AHCY: variants seen among roughly 807,000 people sequenced by gnomAD.
AHCY encodes adenosylhomocysteinase, also known as S-adenosyl-L-homocysteine hydrolase.
AHCY carries 24 observed loss-of-function variants against 45.4 expected under a neutral mutation model. That is an observed-to-expected ratio of 0.53 (90% CI 0.38 to 0.74). The LOEUF (loss-of-function observed/expected upper bound fraction) is 0.74. Among genes scored for constraint, AHCY ranks in the 30% least tolerant of loss-of-function variants. AHCY has a pLI of 0.00. For synonymous variants in AHCY, 245 were observed against 235.1 expected, an observed-to-expected ratio of 1.04 and a Z score of -0.39; for missense variants, 449 against 594.1, an observed-to-expected ratio of 0.76 and a Z score of 2.54.
chr20:34,244,821 G>A, the AHCY span, among the ~76,000 whole-genome samples: 4 of 152,078 alleles, frequency 2.6e-5, no homozygotes, highest in African/African-American at 4.8e-5. Context: ...TATTGTGCCC[G>A]TAGGGTGGAC....
chr20:34,249,102 C>G, the AHCY span, among the ~76,000 whole-genome samples: 1 of 151,940 alleles, frequency 6.6e-6, no homozygotes, highest in Admixed American at 6.6e-5. Flanking sequence ...GCACTCCAGC[C>G]TGGGTGACAG....
At chr20:34,239,377 T>C in the AHCY span, among the ~76,000 whole-genome samples, 5 of 152,024 alleles carry the variant, frequency 3.3e-5, no homozygotes, top group Non-Finnish European at 5.9e-5. Context: ...CCACCACACC[T>C]GGCTATTTTT....
chr20:34,274,200 T>A, the AHCY span, among the ~76,000 whole-genome samples: 4 of 152,228 alleles, frequency 2.6e-5, no homozygotes, highest in Non-Finnish European at 5.9e-5. Flanking sequence ...AGTGCCATAC[T>A]AACAGTGATT....
chr20:34,271,165 C>G, the AHCY span, among the ~76,000 whole-genome samples: 1 of 152,000 alleles, frequency 6.6e-6, no homozygotes, highest in African/African-American at 2.4e-5. Flanking sequence ...TGGTCTCAAA[C>G]TCCTGGCTTC....
chr20:34,283,353 ATC>A (rs1033501454), intron 9 of AHCY, among the ~76,000 whole-genome samples: 15 of 152,126 alleles, frequency 9.9e-5, no homozygotes, highest in African/African-American at 3.4e-4. Flanking sequence ...TGGATCACTC[ATC>A]TCTCAAGGCT....
Position 34,280,653 on chromosome 20 carries a change from G to A in AHCY, c.*381C>T, listed in dbSNP as rs2035969823. On this transcript the variant is annotated 3_prime_UTR_variant, in exon 10 of 10. Transcript: ENST00000217426. ...CATGGGCTGAAGAACCACTGGACCT[G>A]TAAACCAAGCACACAGGTATAAGTC... The A allele has an allele frequency of 6.1e-6, 2 of 329,008 alleles. No individual in the cohort carries two copies. Among genetic ancestry groups the A allele is most frequent in the South Asian group, 2.8e-5 (1 of 36,190 alleles). 20.4% of individuals were successfully genotyped at this position (329,008 alleles called of 1,614,324 possible). A position where few individuals can be genotyped will look rare whatever the true frequency, so the allele number is the denominator to read the frequency against.
the AHCY span, among the ~76,000 whole-genome samples, chr20:34,264,284 C>T: frequency 6.6e-6 from 1 of 152,170 alleles, no homozygotes; most frequent in Admixed American, 6.5e-5. Flanking sequence ...GTACTACCAT[C>T]ATAATTGTGA....
the AHCY span, among the ~76,000 whole-genome samples, chr20:34,267,520 T>C: frequency 6.6e-6 from 1 of 151,086 alleles, no homozygotes; most frequent in African/African-American, 2.4e-5. Context: ...TAAATTTGCT[T>C]ATGGCCACTT....
the AHCY span, among the ~76,000 whole-genome samples, chr20:34,252,067 C>G: frequency 6.6e-6 from 1 of 152,236 alleles, no homozygotes; most frequent in Admixed American, 6.5e-5. Flanking sequence ...AGTTTCCACT[C>G]TGTGCCTCAG....
the AHCY span, among the ~76,000 whole-genome samples, chr20:34,266,219 GC>G: frequency 9.2e-5 from 14 of 151,828 alleles, no homozygotes; most frequent in Non-Finnish European, 1.3e-4. Flanking sequence ...GGAGGTGGTG[GC>G]GGGCGCCTGT....
At chr20:34,262,389 C>T in the AHCY span, among the ~76,000 whole-genome samples, 1 of 152,190 alleles carries the variant, frequency 6.6e-6, no homozygotes, top group South Asian at 2.1e-4. Flanking sequence ...CCTCCTGGCT[C>T]CAGAGCTCTC....
the AHCY span, among the ~76,000 whole-genome samples, chr20:34,269,727 C>T: frequency 8.6e-5 from 13 of 151,898 alleles, no homozygotes; most frequent in East Asian, 1.6e-3. Context: ...GGCGGATCTC[C>T]TGAGGTCTGG....
At chr20:34,270,620 A>G in the AHCY span, among the ~76,000 whole-genome samples, 1 of 152,216 alleles carries the variant, frequency 6.6e-6, no homozygotes, top group African/African-American at 2.4e-5. Flanking sequence ...AGACAACCAC[A>G]TGGAAGACCA....
the AHCY span, among the ~76,000 whole-genome samples, chr20:34,240,156 AAG>A: frequency 6.6e-6 from 1 of 152,234 alleles, no homozygotes; most frequent in Non-Finnish European, 1.5e-5. Context: ...AAGGGAAAAA[AAG>A]AGAAAAAAGA....
intron 1 of AHCY, among the ~76,000 whole-genome samples, chr20:34,309,141 G>A (rs2036923918): frequency 6.6e-6 from 1 of 151,072 alleles, no homozygotes; most frequent in Admixed American, 6.6e-5. Context: ...TGTATTTTTA[G>A]TAGAGACAGG....
At chr20:34,264,133 A>C in the AHCY span, among the ~76,000 whole-genome samples, 2 of 152,248 alleles carry the variant, frequency 1.3e-5, no homozygotes, top group Non-Finnish European at 2.9e-5. Context: ...TACAATATAC[A>C]TAAATCTATT....
At chr20:34,294,492 C>T (rs2036507499) in intron 2 of AHCY, among the ~76,000 whole-genome samples, 1 of 152,146 alleles carries the variant, frequency 6.6e-6, no homozygotes, top group South Asian at 2.1e-4. Context: ...CCTGGGTCTA[C>T]TCTGAAGGCT....
the AHCY span, chr20:34,269,300 G>A: frequency 6.9e-6 from 8 of 1,165,536 alleles, no homozygotes; most frequent in Non-Finnish European, 9.2e-6. Flanking sequence ...ACTTCAGGGA[G>A]ACCTGGCTTG....
Position 34,303,323 on chromosome 20 carries a change from G to T in AHCY, c.-53C>A. The T allele has an allele frequency of 6.4e-7, 1 of 1,551,340 alleles. No individual in the cohort carries two copies. The highest frequency in any genetic ancestry group is 8.7e-7 in the Non-Finnish European group (1 of 1,146,634). ...CGAAGGGGGCTGGGCCTCAGTCTGG[G>T]AACAGGAACTGGGCGGGCAGCGCCG... On this transcript the variant is annotated 5_prime_UTR_variant, in exon 1 of 10. Transcript: ENST00000217426.
Sources: allele counts gnomAD v4.1 joint callset (sites outside exome capture counted in the v4.1 genomes callset), GRCh38; gene constraint gnomAD v4.1.1; transcripts MANE v1.5; gene names NCBI Gene and HGNC (gene_info 2026-07-23, HGNC 2026-07-21).